The following CABCOCO1 variants were observed in gnomAD, a reference collection of about 807,000 sequenced individuals.
The protein encoded by CABCOCO1 is ciliary associated calcium binding coiled-coil 1, also known as ciliary-associated calcium-binding coiled-coil protein 1.
In CABCOCO1, 28 loss-of-function variants were observed where a neutral mutation model predicts 35.7. That is an observed-to-expected ratio of 0.78 (90% confidence interval 0.58 to 1.07). The LOEUF (loss-of-function observed/expected upper bound fraction) is 1.07. Among genes scored for constraint, CABCOCO1 ranks in the 50% least tolerant of loss-of-function variants. The probability of loss-of-function intolerance (pLI) is 0.00; values close to 1 mark genes in which losing one functional copy is unlikely to be tolerated. For synonymous variants in CABCOCO1, 95 were observed against 100.1 expected (o/e 0.95, Z 0.30); for missense variants, 326 against 309.2 (o/e 1.05, Z -0.41).
chr10:61,748,089 C>T (rs7902688), intron 5 of CABCOCO1, among the ~76,000 whole-genome samples: 78,635 of 151,666 alleles, frequency 0.52, 22,036 homozygotes, highest in East Asian at 0.79. Context: ...AGGAGCAGGA[C>T]TGGACACCCA....
At chr10:61,697,147 A>AAT (rs1406699923) in intron 5 of CABCOCO1, among the ~76,000 whole-genome samples, 1 of 152,084 alleles carries the variant, frequency 6.6e-6, no homozygotes, top group African/African-American at 2.4e-5. Flanking sequence ...TTCTTCCCTA[A>AAT]ATATCTTCTC....
chr10:61,720,914 A>ATTTTTTT (rs1840992456), intron 5 of CABCOCO1, among the ~76,000 whole-genome samples: 2 of 60,280 alleles, frequency 3.3e-5, no homozygotes, highest in African/African-American at 4.7e-5. Flanking sequence ...TTTTCTTTTC[A>ATTTTTTT]TTCTTTTTTT....
At chr10:61,677,453 G>C (rs968818300) in intron 2 of CABCOCO1, among the ~76,000 whole-genome samples, 1 of 152,054 alleles carries the variant, frequency 6.6e-6, no homozygotes, top group African/African-American at 2.4e-5. Context: ...ATGTATGAAG[G>C]CTTCCTATTT....
chr10:61,738,463 A>G (rs1841474986), intron 5 of CABCOCO1, among the ~76,000 whole-genome samples: 1 of 152,216 alleles, frequency 6.6e-6, no homozygotes, highest in Non-Finnish European at 1.5e-5. Context: ...CCATCTAAAT[A>G]TACCAATATC....
At chr10:61,726,797 C>A (rs1272148718) in intron 5 of CABCOCO1, among the ~76,000 whole-genome samples, 3 of 151,140 alleles carry the variant, frequency 2.0e-5, no homozygotes, top group Non-Finnish European at 2.9e-5. Context: ...GTGGCTCACT[C>A]CTGTAATCCC....
intron 5 of CABCOCO1, among the ~76,000 whole-genome samples, chr10:61,709,735 T>C (rs745967095): frequency 1.4e-4 from 21 of 151,974 alleles, no homozygotes; most frequent in Non-Finnish European, 2.8e-4. Context: ...CAATGCTGCT[T>C]CCCCTCATTT....
chr10:61,667,439 T>C (rs2131946213), intron 1 of CABCOCO1, among the ~76,000 whole-genome samples: 1 of 151,462 alleles, frequency 6.6e-6, no homozygotes, highest in South Asian at 2.1e-4. Flanking sequence ...AACTAAAAAG[T>C]TATTTTGTAA....
intron 5 of CABCOCO1, among the ~76,000 whole-genome samples, chr10:61,696,626 T>C (rs1317201246): frequency 6.6e-6 from 1 of 152,030 alleles, no homozygotes; most frequent in African/African-American, 2.4e-5. Flanking sequence ...GCCTCCCATG[T>C]AGCTGGGACT....
chr10:61,717,481 T>C lies in CABCOCO1; in HGVS notation c.552+26860T>C, dbSNP rs1314392028. ...CTAATAATGACTTAGTTTTTAAAAA[T>C]TGTGCTGTACCTAGAGATCCACAAC... is the stretch of plus-strand genomic sequence containing the variant. On this transcript the variant is annotated intron_variant, in intron 5 of 7. Transcript: ENST00000648843. Among the ~76,000 whole-genome samples the C allele has an allele frequency of 3.9e-5, 6 of 152,158 alleles. No individual in the cohort carries two copies. The East Asian group carries it at 1.2e-3, about 29-fold the overall frequency.
intron 5 of CABCOCO1, 135 bp from the exon 6 acceptor site, chr10:61,759,924 G>A: frequency 1.1e-5 from 12 of 1,111,392 alleles, no homozygotes; most frequent in Non-Finnish European, 1.4e-5. Context: ...AAGGGCAATG[G>A]CATCAAAAAT....
intron 5 of CABCOCO1, among the ~76,000 whole-genome samples, chr10:61,712,524 C>G (rs957741120): frequency 3.3e-5 from 5 of 152,130 alleles, no homozygotes; most frequent in Admixed American, 3.3e-4. Context: ...TCCCATTTGT[C>G]TATTTTGGCT....
chr10:61,688,441 C>G (rs1840031248), intron 4 of CABCOCO1, among the ~76,000 whole-genome samples: 1 of 152,250 alleles, frequency 6.6e-6, no homozygotes, highest in East Asian at 1.9e-4. Context: ...TTGAAAAAAA[C>G]TAATACCAAA....
chr10:61,765,271 G>T (rs919933225), intron 7 of CABCOCO1, among the ~76,000 whole-genome samples: 6 of 152,192 alleles, frequency 3.9e-5, no homozygotes, highest in African/African-American at 1.4e-4. Context: ...TTCAGTTAAT[G>T]TGAACGTATT....
intron 2 of CABCOCO1, among the ~76,000 whole-genome samples, chr10:61,680,724 A>ATGTTATACATGTATAACATATATATG (rs1282878058): frequency 1.9e-5 from 2 of 103,712 alleles, no homozygotes; most frequent in Non-Finnish European, 4.1e-5. Context: ...TAACATATAT[A>ATGTTATACATGTATAACATATATATG]TTATATATAT....
intron 2 of CABCOCO1, among the ~76,000 whole-genome samples, chr10:61,680,697 T>TATGTTATACATGTATAAC (rs1839751604): frequency 8.1e-6 from 1 of 123,384 alleles, no homozygotes; most frequent in South Asian, 2.5e-4. Flanking sequence ...GTATAACATA[T>TATGTTATACATGTATAAC]ATATGTTATA....
At chr10:61,721,989 C>T (rs1429206938) in intron 5 of CABCOCO1, among the ~76,000 whole-genome samples, 6 of 152,106 alleles carry the variant, frequency 3.9e-5, no homozygotes, top group East Asian at 1.9e-4. Context: ...CCACAGAAGG[C>T]CAAAATGCTC....
At chr10:61,740,316 T>C (rs1463014343) in intron 5 of CABCOCO1, among the ~76,000 whole-genome samples, 1 of 152,150 alleles carries the variant, frequency 6.6e-6, no homozygotes, top group Non-Finnish European at 1.5e-5. Context: ...GACATCATGA[T>C]AGAAAGATGC....
At chr10:61,723,288 C>T (rs1841066866) in intron 5 of CABCOCO1, among the ~76,000 whole-genome samples, 1 of 152,190 alleles carries the variant, frequency 6.6e-6, no homozygotes, top group African/African-American at 2.4e-5. Flanking sequence ...AATATTCTCA[C>T]ACATTACTGA....
intron 2 of CABCOCO1, among the ~76,000 whole-genome samples, chr10:61,674,835 A>G (rs1839460878): frequency 6.6e-6 from 1 of 152,212 alleles, no homozygotes; most frequent in African/African-American, 2.4e-5. Flanking sequence ...GCTATCAATC[A>G]TAAATATTTT....
Sources: allele counts gnomAD v4.1 joint callset (sites outside exome capture counted in the v4.1 genomes callset), GRCh38; gene constraint gnomAD v4.1.1; transcripts MANE v1.5; gene names NCBI Gene and HGNC (gene_info 2026-07-23, HGNC 2026-07-21).